WLS: variants seen among roughly 807,000 people sequenced by gnomAD.
The protein encoded by WLS is Wnt ligand secretion mediator, also known as protein wntless homolog.
In WLS, 23 loss-of-function variants were observed where a neutral mutation model predicts 62.8. The ratio of observed to expected loss-of-function variants is 0.37; its 90% CI spans 0.26 to 0.52. The LOEUF is 0.52. Ranked by LOEUF, WLS falls within the 20% of genes least tolerant of loss-of-function variation. The pLI is 0.92. For missense variants in WLS, 615 were observed against 697.3 expected (o/e 0.88, Z 1.33); for synonymous variants, 246 against 244.1 (o/e 1.01, Z -0.07).
intron 2 of WLS, among the ~76,000 whole-genome samples, chr1:68,160,038 T>A (rs964281238): frequency 4.7e-5 from 7 of 148,186 alleles, no homozygotes; most frequent in African/African-American, 1.7e-4. Flanking sequence ...GTCTGTTTTA[T>A]ACTATGATGA....
chr1:68,161,178 C>T (rs990823981), intron 2 of WLS, among the ~76,000 whole-genome samples: 4 of 152,060 alleles, frequency 2.6e-5, no homozygotes, highest in South Asian at 2.1e-4. Flanking sequence ...ACCAACTTGC[C>T]CACTCAGTAT....
intron 11 of WLS, among the ~76,000 whole-genome samples, chr1:68,111,012 C>T (rs7519634): frequency 0.4 from 61,411 of 151,814 alleles, 13,169 homozygotes; most frequent in Middle Eastern, 0.53. Flanking sequence ...CACAAGTACC[C>T]ATTAAAAAAG....
At chr1:68,176,690 C>A (rs1204543552) in intron 2 of WLS, among the ~76,000 whole-genome samples, 1 of 152,208 alleles carries the variant, frequency 6.6e-6, no homozygotes, top group Non-Finnish European at 1.5e-5. Flanking sequence ...CCGTCCTTTG[C>A]ACATATGTTA....
At chr1:68,162,505 G>A (rs1420387484) in intron 2 of WLS, 22 of 1,613,434 alleles carry the variant, frequency 1.4e-5, no homozygotes, top group Non-Finnish European at 1.9e-5. Flanking sequence ...GGCTCGAACT[G>A]CAACCGCCTA....
intron 11 of WLS, among the ~76,000 whole-genome samples, chr1:68,118,924 G>A (rs1008749945): frequency 7.9e-6 from 1 of 126,890 alleles, no homozygotes; most frequent in Non-Finnish European, 1.6e-5. Flanking sequence ...AATATTAGAT[G>A]TTCAACATAT....
intron 11 of WLS, among the ~76,000 whole-genome samples, chr1:68,135,448 G>A (rs769059601): frequency 1.4e-4 from 21 of 151,462 alleles, no homozygotes; most frequent in Non-Finnish European, 2.9e-4. Flanking sequence ...TTGCACCCAG[G>A]CTAACCACAG....
chr1:68,189,972 G>A (rs754791483), intron 2 of WLS, among the ~76,000 whole-genome samples: 19 of 152,184 alleles, frequency 1.2e-4, no homozygotes, highest in Non-Finnish European at 1.9e-4. Flanking sequence ...TCATGCCACC[G>A]TACTCCAGCC....
At chr1:68,176,169 G>A (rs1169070488) in intron 2 of WLS, 1 of 152,152 alleles carries the variant, frequency 6.6e-6, no homozygotes, top group Non-Finnish European at 1.5e-5. Context: ...ATTTAATTGT[G>A]GAAAAACCAG....
At chr1:68,178,377 A>G (rs1647351579) in intron 2 of WLS, among the ~76,000 whole-genome samples, 1 of 152,190 alleles carries the variant, frequency 6.6e-6, no homozygotes, top group Non-Finnish European at 1.5e-5. Context: ...GGATATAACA[A>G]TGAACAACAC....
chr1:68,209,090 G>T (rs879743707), intron 1 of WLS, among the ~76,000 whole-genome samples: 2 of 152,140 alleles, frequency 1.3e-5, no homozygotes, highest in South Asian at 4.1e-4. Context: ...AACATCCTTG[G>T]CTTCTACCCA....
At chr1:68,143,338 C>T (rs1173703188) in intron 10 of WLS, among the ~76,000 whole-genome samples, 1 of 152,176 alleles carries the variant, frequency 6.6e-6, no homozygotes, top group Non-Finnish European at 1.5e-5. Context: ...TGATCTCTAA[C>T]TTATTGCATG....
At chr1:68,212,519 G>A (rs1396845158) in intron 1 of WLS, among the ~76,000 whole-genome samples, 2 of 152,150 alleles carry the variant, frequency 1.3e-5, no homozygotes, top group Non-Finnish European at 2.9e-5. Context: ...CAAGTTAGAT[G>A]AAGATTTTAG....
chr1:68,153,774 GC>G, intron 4 of WLS, 121 bp from the exon 5 acceptor site: 1 of 1,320,894 alleles, frequency 7.6e-7, no homozygotes, highest in South Asian at 1.4e-5. Context: ...ACGATCAAGA[GC>G]TTTCACATTC....
chr1:68,225,371 T>A (rs753042735), intron 1 of WLS, among the ~76,000 whole-genome samples: 7 of 152,094 alleles, frequency 4.6e-5, no homozygotes, highest in Non-Finnish European at 1.0e-4. Context: ...CTCCTCTCCT[T>A]CCCACATCCC....
chr1:68,217,685 G>T (rs917908184), intron 1 of WLS, among the ~76,000 whole-genome samples: 2 of 152,158 alleles, frequency 1.3e-5, no homozygotes, highest in African/African-American at 4.8e-5. Flanking sequence ...ATTATTTTGG[G>T]AAGCATAACC....
At chr1:68,186,013 G>A (rs770792633) in intron 2 of WLS, among the ~76,000 whole-genome samples, 4 of 152,152 alleles carry the variant, frequency 2.6e-5, no homozygotes, top group Non-Finnish European at 5.9e-5. Context: ...CTATCTGGGA[G>A]TCCCCAGCCA....
chr1:68,209,566 G>A (rs1649425878), intron 1 of WLS, among the ~76,000 whole-genome samples: 1 of 152,174 alleles, frequency 6.6e-6, no homozygotes, highest in Non-Finnish European at 1.5e-5. Context: ...AACACCTGAT[G>A]TCGGGAGTTT....
At chr1:68,192,222 G>A (rs1648350355) in intron 2 of WLS, among the ~76,000 whole-genome samples, 1 of 152,108 alleles carries the variant, frequency 6.6e-6, no homozygotes, top group South Asian at 2.1e-4. Flanking sequence ...ATTTATTTCA[G>A]GTAAGCTATC....
intron 2 of WLS, among the ~76,000 whole-genome samples, chr1:68,190,374 T>C (rs1240298868): frequency 6.6e-6 from 1 of 152,244 alleles, no homozygotes; most frequent in East Asian, 1.9e-4. Context: ...CTGGCATTCA[T>C]GCTCTTCTGT....
Sources: allele counts gnomAD v4.1 joint callset (sites outside exome capture counted in the v4.1 genomes callset), GRCh38; gene constraint gnomAD v4.1.1; transcripts MANE v1.5; gene names NCBI Gene and HGNC (gene_info 2026-07-23, HGNC 2026-07-21).